Variants in HSPA14 observed in about 807,000 individuals in gnomAD.
The protein encoded by HSPA14 is heat shock protein family A (Hsp70) member 14.
A neutral mutation model predicts 65.5 loss-of-function variants in HSPA14; 37 were observed. That is an observed-to-expected ratio of 0.56 (90% CI 0.43 to 0.74). The LOEUF is 0.74. Among genes scored for constraint, HSPA14 ranks in the 30% least tolerant of loss-of-function variants. The pLI is 0.00. For missense variants in HSPA14, 564 were observed against 607.6 expected, an observed-to-expected ratio of 0.93 and a Z score of 0.75; for synonymous variants, 203 against 214.2, an observed-to-expected ratio of 0.95 and a Z score of 0.46.
intron 10 of HSPA14, among the ~76,000 whole-genome samples, chr10:14,864,159 T>G (rs1832783171): frequency 6.6e-6 from 1 of 151,184 alleles, no homozygotes. Flanking sequence ...AGCCCAGGAA[T>G]TTGAGGCTGC....
rs934238093 is a variant in HSPA14 at position 14,845,188 on chromosome 10, A to G, written c.222-3421A>G. The stretch of plus-strand genomic sequence containing the variant: ...CACTTCCGATTTACTCTAGAAGGGA[A>G]GACATTACTCTCTGTCATTAAACTA... On this transcript the variant is annotated intron_variant, in intron 3 of 13. Coordinates refer to ENST00000378372, the MANE Select transcript of HSPA14 (RefSeq NM_016299.4). 13 of 985,360 alleles carry G rather than the reference A, an allele frequency of 1.3e-5. No homozygotes were observed. The South Asian group carries it at 2.3e-4, about 18-fold the overall frequency. The allele number at this position is 985,360 out of a possible 1,614,324, so 61.0% of individuals were successfully genotyped here. A position where few individuals can be genotyped will look rare whatever the true frequency, so the allele number is the denominator to read the frequency against.
At chr10:14,863,148 T>C (rs1276059974) in intron 10 of HSPA14, among the ~76,000 whole-genome samples, 2 of 152,246 alleles carry the variant, frequency 1.3e-5, no homozygotes, top group Non-Finnish European at 2.9e-5. Flanking sequence ...ATACCTGGGA[T>C]ATAACTTACT....
At chr10:14,841,011 G>C (rs1289512927) in intron 3 of HSPA14, among the ~76,000 whole-genome samples, 1 of 152,164 alleles carries the variant, frequency 6.6e-6, no homozygotes, top group Non-Finnish European at 1.5e-5. Flanking sequence ...TTTCAACTTT[G>C]TTTAGTGAGA....
At chr10:14,846,138 G>T (rs1216057219) in intron 3 of HSPA14, 13 of 984,078 alleles carry the variant, frequency 1.3e-5, no homozygotes, top group Non-Finnish European at 1.6e-5. Flanking sequence ...CTTTAAAAGA[G>T]CATATATTTA....
intron 8 of HSPA14, among the ~76,000 whole-genome samples, chr10:14,853,835 T>G (rs1431175215): frequency 6.6e-6 from 1 of 152,182 alleles, no homozygotes; most frequent in Non-Finnish European, 1.5e-5. Context: ...TTCTTCTGCC[T>G]CAGCCTCCCA....
chr10:14,840,191 A>T, intron 3 of HSPA14, 34 bp downstream of exon 3: 3 of 1,025,138 alleles, frequency 2.9e-6, no homozygotes, highest in Non-Finnish European at 2.7e-6. Flanking sequence ...AAATATGGTA[A>T]TAGGAACATG....
chr10:14,843,706 GA>G, intron 3 of HSPA14: 1 of 1,539,888 alleles, frequency 6.5e-7, no homozygotes, highest in African/African-American at 1.4e-5. Flanking sequence ...GCGGGAGGAA[GA>G]AAAACTGGAC....
chr10:14,861,673 T>C (rs969810639), intron 10 of HSPA14, among the ~76,000 whole-genome samples: 3 of 152,160 alleles, frequency 2.0e-5, no homozygotes, highest in Non-Finnish European at 2.9e-5. Flanking sequence ...AGGGGAATAC[T>C]GTGAGACTTT....
intron 10 of HSPA14, 45 bp from the exon 11 acceptor site, chr10:14,867,038 C>A: frequency 1.5e-6 from 2 of 1,373,536 alleles, no homozygotes; most frequent in Non-Finnish European, 2.1e-6. Context: ...TGAGACACAG[C>A]ATTCTTCTAA....
chr10:14,845,266 C>T, intron 3 of HSPA14: 1 of 985,214 alleles, frequency 1.0e-6, no homozygotes, highest in Non-Finnish European at 1.2e-6. Flanking sequence ...AAATAGGAAT[C>T]TTTAGGATTT....
At chr10:14,867,316 C>A in intron 11 of HSPA14, 21 bp downstream of exon 11, 1 of 1,512,894 alleles carries the variant, frequency 6.6e-7, no homozygotes, top group Non-Finnish European at 9.2e-7. Context: ...CTTTTGTATA[C>A]TAGTTAAGGT....
At position 14,842,218 on chromosome 10, in the gene HSPA14, C is replaced by G; in HGVS notation, c.221+2061C>G. The G allele has an allele frequency of 6.5e-7, 1 of 1,535,554 alleles. No homozygotes were observed. The highest frequency in any genetic ancestry group is 1.2e-5 in the South Asian group (1 of 83,606). ...GGAGATATCCTGAGAGCACACAGAG[C>G]TTCCCCACACCTTCAGACTTGCACC... On this transcript the variant is annotated intron_variant, in intron 3 of 13. Coordinates refer to ENST00000378372, the MANE Select transcript of HSPA14 (RefSeq NM_016299.4). The surrounding 1 kb of genome is among the most constrained non-coding windows in gnomAD (Gnocchi z 5.2).
chr10:14,867,675 A>G, intron 11 of HSPA14, 61 bp from the exon 12 acceptor site: 1 of 1,421,566 alleles, frequency 7.0e-7, no homozygotes, highest in Non-Finnish European at 9.6e-7. Flanking sequence ...TATAATGGGA[A>G]GTTTTTTTCA....
intron 13 of HSPA14, 143 bp downstream of exon 13, chr10:14,870,810 G>GC (rs1564328234): frequency 1.3e-6 from 1 of 759,446 alleles, no homozygotes; most frequent in African/African-American, 1.8e-5. Flanking sequence ...TACATTTTTT[G>GC]CCCCCAGAAT....
Position 14,855,865 on chromosome 10 carries a change from T to C in HSPA14, c.915T>C (p.Ser305=). 1.2e-6 allele frequency: 2 copies of C among 1,604,366 alleles called. No homozygotes were observed. The highest frequency in any genetic ancestry group is 1.7e-6 in the Non-Finnish European group (2 of 1,171,466). ...GAGCAAGATTTGAACTTCTTTGTTC[T>C]CCACTTTTTAATAAGTGTATAGAAG... is the stretch of plus-strand genomic sequence containing the variant. ...VSRARFELLC[S]PLFNKCIEAI... is the part of the protein sequence containing the mutation. Residue 305 remains serine (S), a synonymous_variant, in exon 10 of 14, where the codon TCT becomes TCC. Transcript: ENST00000378372.
Position 14,855,833 on chromosome 10 carries a change from G to T in HSPA14, c.891-8G>T. 1 of 1,467,848 alleles carries T rather than the reference G, an allele frequency of 6.8e-7. No homozygotes were observed. The highest frequency in any genetic ancestry group is 9.5e-7 in the Non-Finnish European group (1 of 1,047,612). The allele number at this position is 1,467,848 out of a possible 1,614,324, so 90.9% of individuals were successfully genotyped here. A position where few individuals can be genotyped will look rare whatever the true frequency, so the allele number is the denominator to read the frequency against. On this transcript the variant is annotated splice_polypyrimidine_tract_variant and splice_region_variant and intron_variant, in intron 9 of 13. Transcript: ENST00000378372. The stretch of plus-strand genomic sequence containing the variant: ...TGTGTGTTTCTGTGTGTGTGTATGT[G>T]TGTACAGAGCAAGATTTGAACTTCT...
Position 14,858,220 on chromosome 10 carries a change from T to C in HSPA14, c.993+2277T>C, listed in dbSNP as rs117314201. On this transcript the variant is annotated intron_variant, in intron 10 of 13. Coordinates refer to ENST00000378372, the MANE Select transcript of HSPA14 (RefSeq NM_016299.4). ...AATGAAATGTCTGTGGCACAGCCTG[T>C]TGCATATCGTGACAAATAAGCATCA... Among the ~76,000 whole-genome samples the C allele has an allele frequency of 2.6e-3, 403 of 152,340 alleles. 1 individual carries two copies. The highest frequency in any genetic ancestry group is 3.9e-3 in the Non-Finnish European group (265 of 68,032).
In HSPA14 at chr10:14,846,721, A is replaced by G. The variant is rs1051047743; in HGVS notation, c.222-1888A>G. 15 of 984,484 alleles carry G rather than the reference A, an allele frequency of 1.5e-5. No individual in the cohort carries two copies. In the East Asian group the frequency reaches 1.2e-3, roughly 82 times the overall value. 61.0% of individuals were successfully genotyped at this position (984,484 alleles called of 1,614,324 possible). A position where few individuals can be genotyped will look rare whatever the true frequency, so the allele number is the denominator to read the frequency against. ...GATGAATGTATGAGCACTTTCAGAC[A>G]TGTAAGGCACTGTCATGTAACAAGT... On this transcript the variant is annotated intron_variant, in intron 3 of 13. Coordinates refer to ENST00000378372, the MANE Select transcript of HSPA14 (RefSeq NM_016299.4).
rs574149369 is a variant in HSPA14 at position 14,843,721 on chromosome 10, C to T, written c.221+3564C>T. ...GCGGGAGGAAGAAAAACTGGACAGGCTGATTGCTATTGGTGAGGAGGCCAG... is the reference window on the plus strand; with the variant it reads ...GCGGGAGGAAGAAAAACTGGACAGGTTGATTGCTATTGGTGAGGAGGCCAG... On this transcript the variant is annotated intron_variant, in intron 3 of 13. Transcript: ENST00000378372. The T allele has an allele frequency of 2.0e-6, 3 of 1,538,050 alleles. No homozygotes were observed. The South Asian group carries it at 3.6e-5, about 18-fold the overall frequency.
Sources: allele counts gnomAD v4.1 joint callset (sites outside exome capture counted in the v4.1 genomes callset), GRCh38; gene constraint gnomAD v4.1.1; non-coding constraint Gnocchi (gnomAD v3.1); transcripts MANE v1.5; gene names NCBI Gene and HGNC (gene_info 2026-07-23, HGNC 2026-07-21).